Variants in SMOC2 observed in about 807,000 individuals in gnomAD.
The protein encoded by SMOC2 is SPARC related modular calcium binding 2, also known as SPARC-related modular calcium-binding protein 2.
In SMOC2, 39 loss-of-function variants were observed where a neutral mutation model predicts 61.4. That is an observed-to-expected ratio of 0.64 (90% CI 0.49 to 0.83). The LOEUF (loss-of-function observed/expected upper bound fraction) is 0.83. Ranked by LOEUF, SMOC2 falls within the 40% of genes least tolerant of loss-of-function variation. SMOC2 has a pLI of 0.00. For missense variants in SMOC2, 556 were observed against 592.9 expected (o/e 0.94, Z 0.65); for synonymous variants, 247 against 239.9 (o/e 1.03, Z -0.27).
At chr6:168,592,171 TC>T in intron 7 of SMOC2, among the ~76,000 whole-genome samples, 1 of 152,320 alleles carries the variant, frequency 6.6e-6, no homozygotes, top group Admixed American at 6.5e-5. Flanking sequence ...CTTCCCTATT[TC>T]CCTAGTTCTC....
intron 11 of SMOC2, among the ~76,000 whole-genome samples, chr6:168,662,025 G>A (rs1026011053): frequency 1.3e-5 from 2 of 152,190 alleles, no homozygotes; most frequent in South Asian, 2.1e-4. Flanking sequence ...GTTATGGCAA[G>A]GGAAGACAGT....
At chr6:168,618,521 AAGG>A (rs1243005647) in intron 9 of SMOC2, among the ~76,000 whole-genome samples, 12 of 125,494 alleles carry the variant, frequency 9.6e-5, no homozygotes, top group Admixed American at 2.4e-4. Flanking sequence ...GTGGCATTAA[AAGG>A]AGAGTCGAGG....
At chr6:168,536,305 C>T (rs574570407) in intron 4 of SMOC2, among the ~76,000 whole-genome samples, 2 of 152,224 alleles carry the variant, frequency 1.3e-5, no homozygotes, top group East Asian at 1.9e-4. Flanking sequence ...CTCCTGATCC[C>T]GGGTGAGGGA....
chr6:168,667,143 T>A lies in SMOC2; in HGVS notation c.*705T>A, dbSNP rs1787680745. On this transcript the variant is annotated 3_prime_UTR_variant, in exon 13 of 13. Coordinates refer to ENST00000356284, the MANE Select transcript of SMOC2 (RefSeq NM_001166412.2). Reference sequence around the variant, plus strand: ...GGCTTGAATGAGTCCCAGAGAGTCGTTCGGATGGTGGGAGGCTGCCTAGGA... The same window carrying A: ...GGCTTGAATGAGTCCCAGAGAGTCGATCGGATGGTGGGAGGCTGCCTAGGA... 1 of 152,336 alleles carries A rather than the reference T, an allele frequency of 6.6e-6. No homozygotes were observed. Among genetic ancestry groups the A allele is most frequent in the Admixed American group, 6.5e-5 (1 of 15,304 alleles). The allele number at this position is 152,336 out of a possible 1,614,324, so 9.4% of individuals were successfully genotyped here. A position where few individuals can be genotyped will look rare whatever the true frequency, so the allele number is the denominator to read the frequency against.
intron 9 of SMOC2, among the ~76,000 whole-genome samples, chr6:168,627,511 G>C (rs59781387): frequency 6.6e-6 from 1 of 152,182 alleles, no homozygotes; most frequent in Non-Finnish European, 1.5e-5. Flanking sequence ...TCCTTAATGA[G>C]AAAACAACTG....
intron 7 of SMOC2, among the ~76,000 whole-genome samples, chr6:168,552,929 C>T (rs1043118128): frequency 3.3e-5 from 5 of 151,010 alleles, no homozygotes; most frequent in Admixed American, 6.6e-5. Flanking sequence ...TGAGTGACGG[C>T]ACTTGAAAAT....
chr6:168,489,663 C>A (rs1350154271), intron 1 of SMOC2, among the ~76,000 whole-genome samples: 11 of 150,846 alleles, frequency 7.3e-5, no homozygotes, highest in Admixed American at 7.2e-4. Context: ...TCGTCTGGGT[C>A]CCCTTGCATC....
intron 9 of SMOC2, among the ~76,000 whole-genome samples, chr6:168,649,415 G>A (rs1414945681): frequency 6.6e-6 from 1 of 152,160 alleles, no homozygotes; most frequent in Admixed American, 6.5e-5. Flanking sequence ...CCAGGGAGAG[G>A]CAGCCTCCCC....
Position 168,666,639 on chromosome 6 carries a change from C to A in SMOC2, c.*201C>A. The A allele has an allele frequency of 1.6e-6, 1 of 625,172 alleles. No individual in the cohort carries two copies. Among genetic ancestry groups the A allele is most frequent in the Non-Finnish European group, 2.9e-6 (1 of 349,278 alleles). The allele number at this position is 625,172 out of a possible 1,614,324, so 38.7% of individuals were successfully genotyped here. On this transcript the variant is annotated 3_prime_UTR_variant, in exon 13 of 13. Coordinates refer to ENST00000356284, the MANE Select transcript of SMOC2 (RefSeq NM_001166412.2). ...CTGGCTTCAGAAAATTAATCACATA[C>A]AATGTATGTGTCCTCTTTTGACCTT...
At chr6:168,624,667 C>T (rs1240376309) in intron 9 of SMOC2, among the ~76,000 whole-genome samples, 1 of 151,800 alleles carries the variant, frequency 6.6e-6, no homozygotes, top group Non-Finnish European at 1.5e-5. Flanking sequence ...CAGACGCACA[C>T]ACACACTGAC....
chr6:168,489,458 C>T (rs537641241), intron 1 of SMOC2, among the ~76,000 whole-genome samples: 4 of 145,016 alleles, frequency 2.8e-5, no homozygotes, highest in South Asian at 2.2e-4. Context: ...TATATTGAAT[C>T]GTCTGGGTCC....
chr6:168,528,998 T>C (rs1215318167), intron 4 of SMOC2, among the ~76,000 whole-genome samples: 1 of 152,194 alleles, frequency 6.6e-6, no homozygotes, highest in Non-Finnish European at 1.5e-5. Context: ...GCAGTGGGGA[T>C]AGGGGCATCT....
intron 2 of SMOC2, among the ~76,000 whole-genome samples, chr6:168,518,869 GTA>G (rs1159961004): frequency 6.7e-6 from 1 of 150,062 alleles, no homozygotes; most frequent in Non-Finnish European, 1.5e-5. Context: ...GTGTATGAAT[GTA>G]TTCATGTGTC....
intron 8 of SMOC2, among the ~76,000 whole-genome samples, chr6:168,607,798 CGGG>C (rs1785742044): frequency 6.6e-6 from 1 of 151,172 alleles, no homozygotes; most frequent in African/African-American, 2.4e-5. Context: ...AACCCTGCAA[CGGG>C]AGGAGGGGGA....
chr6:168,503,702 C>T (rs1278339592), intron 1 of SMOC2, among the ~76,000 whole-genome samples: 1 of 152,134 alleles, frequency 6.6e-6, no homozygotes, highest in Non-Finnish European at 1.5e-5. Flanking sequence ...GGTGCAGAGC[C>T]CAGCGGCACC....
Position 168,608,910 on chromosome 6 carries a change from G to T in SMOC2, c.907+671G>T, listed in dbSNP as rs35491067. Among the ~76,000 whole-genome samples the T allele has an allele frequency of 5.3e-3, 811 of 152,160 alleles. 13 individuals are homozygous for T. Among genetic ancestry groups the T allele is most frequent in the African/African-American group, 0.018 (759 of 41,526 alleles). The stretch of plus-strand genomic sequence containing the variant: ...AGAGACATGAAAATCACACTACAGC[G>T]TACTTTGTTTAGAGTACGTGCTTGA... On this transcript the variant is annotated intron_variant, in intron 9 of 12. Transcript: ENST00000356284.
rs560803022 is a variant in SMOC2 at position 168,445,593 on chromosome 6, A to G, written c.84+4139A>G. On this transcript the variant is annotated intron_variant, in intron 1 of 12. Coordinates refer to ENST00000356284, the MANE Select transcript of SMOC2 (RefSeq NM_001166412.2). ...TCCTGTTTTGATATAGTTCTCACTC[A>G]GCCTTGGATCTTCAAGGGAATTACT... Among the ~76,000 whole-genome samples the G allele has an allele frequency of 5.8e-4, 89 of 152,328 alleles. 3 individuals are homozygous for G. In the South Asian group the frequency reaches 0.017, roughly 30 times the overall value.
intron 7 of SMOC2, among the ~76,000 whole-genome samples, chr6:168,594,886 G>GAGA (rs1335495570): frequency 1.7e-4 from 1 of 6,046 alleles, no homozygotes; most frequent in Non-Finnish European, 3.9e-4. Flanking sequence ...GAGGCCTCAC[G>GAGA]GGCATCTTTC....
At chr6:168,651,631 T>G (rs1787195577) in intron 10 of SMOC2, among the ~76,000 whole-genome samples, 1 of 152,210 alleles carries the variant, frequency 6.6e-6, no homozygotes, top group Non-Finnish European at 1.5e-5. Context: ...TTTAGGTGAT[T>G]TTTTTGGTCT....
Sources: gnomAD v4.1 joint callset for allele counts (sites outside exome capture counted in the v4.1 genomes callset) on GRCh38, gnomAD v4.1.1 for gene constraint, MANE v1.5 for transcripts, NCBI Gene and HGNC (gene_info 2026-07-23, HGNC 2026-07-21) for gene names.